The following CRADD variants were observed in gnomAD, a reference collection of about 807,000 sequenced individuals.
The protein encoded by CRADD is death domain-containing protein CRADD.
CRADD carries 9 observed loss-of-function variants against 15.5 expected under a neutral mutation model. The observed-to-expected ratio is 0.58, with a 90% CI of 0.35 to 1.01. The LOEUF is 1.01. Ranked by LOEUF, CRADD falls within the 50% of genes least tolerant of loss-of-function variation. The pLI, the probability that CRADD is intolerant of heterozygous loss-of-function variation, is 0.02. For missense variants in CRADD, 227 were observed against 250.3 expected, an observed-to-expected ratio of 0.91 and a Z score of 0.63; for synonymous variants, 118 against 107.6, an observed-to-expected ratio of 1.10 and a Z score of -0.60.
intron 2 of CRADD, among the ~76,000 whole-genome samples, chr12:93,800,069 T>G (rs918489368): frequency 6.6e-6 from 1 of 151,904 alleles, no homozygotes; most frequent in African/African-American, 2.4e-5. Flanking sequence ...ACAGAGAGAG[T>G]AACAGATAGG....
At chr12:93,877,669 A>G (rs909656750) in intron 2 of CRADD, among the ~76,000 whole-genome samples, 4 of 152,054 alleles carry the variant, frequency 2.6e-5, no homozygotes, top group African/African-American at 4.8e-5. Flanking sequence ...ACTACCACCT[A>G]TGTTTTCTTA....
intron 2 of CRADD, chr12:93,733,746 T>G (rs1434546697): frequency 6.6e-6 from 1 of 152,054 alleles, no homozygotes; most frequent in Non-Finnish European, 1.5e-5. Context: ...CCTTTGTTTT[T>G]TTTTTTTTTT....
chr12:93,859,503 A>T, intron 2 of CRADD: 8 of 383,426 alleles, frequency 2.1e-5, no homozygotes, highest in South Asian at 1.6e-4. Context: ...TGCACTGGAC[A>T]ATTAAGGATA....
chr12:93,722,218 C>A (rs1390796943), intron 2 of CRADD, among the ~76,000 whole-genome samples: 2 of 152,110 alleles, frequency 1.3e-5, no homozygotes, highest in African/African-American at 4.8e-5. Context: ...TAATTTTTAT[C>A]TTTGTTTCTC....
At chr12:93,818,365 A>T (rs370954685) in intron 2 of CRADD, among the ~76,000 whole-genome samples, 39 of 151,804 alleles carry the variant, frequency 2.6e-4, no homozygotes, top group African/African-American at 8.0e-4. Flanking sequence ...ACACCTCCCC[A>T]CTCCCCACTC....
chr12:93,768,525 CTT>C (rs1368389341), intron 2 of CRADD, among the ~76,000 whole-genome samples: 3 of 151,100 alleles, frequency 2.0e-5, no homozygotes, highest in Non-Finnish European at 2.9e-5. Context: ...CTTTCACTAG[CTT>C]TTGAAATTAA....
At chr12:93,878,894 T>C (rs1958476124) in intron 2 of CRADD, among the ~76,000 whole-genome samples, 1 of 152,214 alleles carries the variant, frequency 6.6e-6, no homozygotes, top group Admixed American at 6.5e-5. Flanking sequence ...TTGGTTCTGA[T>C]GAAAGTGTTT....
chr12:93,705,542 TA>T (rs751440892), intron 2 of CRADD, among the ~76,000 whole-genome samples: 6 of 152,214 alleles, frequency 3.9e-5, no homozygotes, highest in Non-Finnish European at 7.4e-5. Flanking sequence ...GCTTTTGCAT[TA>T]GCATTGAGCA....
At chr12:93,841,109 T>C (rs540878398) in intron 2 of CRADD, among the ~76,000 whole-genome samples, 1 of 152,306 alleles carries the variant, frequency 6.6e-6, no homozygotes, top group African/African-American at 2.4e-5. Flanking sequence ...CTTTCCTCTT[T>C]GGTGGATTGA....
chr12:93,790,926 C>CACACACACACAT (rs926614448), intron 2 of CRADD, among the ~76,000 whole-genome samples: 1 of 151,876 alleles, frequency 6.6e-6, no homozygotes, highest in Non-Finnish European at 1.5e-5. Context: ...CACACACACA[C>CACACACACACAT]ACACACACAC....
At chr12:93,743,334 TTTTG>T (rs1288890664) in intron 2 of CRADD, among the ~76,000 whole-genome samples, 1 of 152,046 alleles carries the variant, frequency 6.6e-6, no homozygotes, top group South Asian at 2.1e-4. Flanking sequence ...TGCTATTTCT[TTTTG>T]TTTGTTTGTT....
At chr12:93,769,802 G>GT (rs1457538020) in intron 2 of CRADD, among the ~76,000 whole-genome samples, 2 of 152,154 alleles carry the variant, frequency 1.3e-5, no homozygotes, top group African/African-American at 2.4e-5. Context: ...GCATGTTGAA[G>GT]TATTTGTTTA....
chr12:93,710,012 A>C (rs573794999), intron 2 of CRADD, among the ~76,000 whole-genome samples: 5 of 152,332 alleles, frequency 3.3e-5, no homozygotes, highest in African/African-American at 9.6e-5. Flanking sequence ...GAAATTCCAC[A>C]TGAATGTTCC....
At chr12:93,840,020 G>T (rs1260383258) in intron 2 of CRADD, among the ~76,000 whole-genome samples, 2 of 152,120 alleles carry the variant, frequency 1.3e-5, no homozygotes, top group African/African-American at 4.8e-5. Context: ...TTACCTTTGG[G>T]ACTTTATCTC....
In CRADD at chr12:93,689,264, C is replaced by T. The variant is rs571307152; in HGVS notation, c.298+10192C>T. On this transcript the variant is annotated intron_variant, in intron 2 of 2. Transcript: ENST00000332896. ...CTGGTGGTGCAGCTTCAGAGTTTCA[C>T]CAAATGCTTAGCAAGGTAGTGTTCT... Among the ~76,000 whole-genome samples the T allele has an allele frequency of 1.1e-4, 17 of 152,256 alleles. No homozygotes were observed. The South Asian group carries it at 3.5e-3, about 32-fold the overall frequency.
chr12:93,743,812 A>G (rs779965860), intron 2 of CRADD, among the ~76,000 whole-genome samples: 20 of 152,170 alleles, frequency 1.3e-4, no homozygotes, highest in Non-Finnish European at 2.5e-4. Context: ...TAGTGCTTGA[A>G]ATTATGCAAT....
chr12:93,803,420 G>A (rs1957496499), intron 2 of CRADD, among the ~76,000 whole-genome samples: 1 of 152,068 alleles, frequency 6.6e-6, no homozygotes, highest in African/African-American at 2.4e-5. Context: ...CTCCTCTATC[G>A]TATTCACCTG....
intron 2 of CRADD, among the ~76,000 whole-genome samples, chr12:93,761,414 AG>A (rs1319761988): frequency 6.6e-6 from 1 of 152,160 alleles, no homozygotes; most frequent in Non-Finnish European, 1.5e-5. Context: ...GCTGGCAGTG[AG>A]GACAACTGGG....
At chr12:93,881,824 G>A (rs1383943920) in intron 2 of CRADD, among the ~76,000 whole-genome samples, 1 of 152,190 alleles carries the variant, frequency 6.6e-6, no homozygotes, top group Non-Finnish European at 1.5e-5. Flanking sequence ...CACCAAAGAT[G>A]TGAGTGATTG....
Sources: gnomAD v4.1 joint callset for allele counts (sites outside exome capture counted in the v4.1 genomes callset) on GRCh38, gnomAD v4.1.1 for gene constraint, MANE v1.5 for transcripts, NCBI Gene and HGNC (gene_info 2026-07-23, HGNC 2026-07-21) for gene names.